CCDC60: variants seen among roughly 807,000 people sequenced by gnomAD.
The protein encoded by CCDC60 is coiled-coil domain-containing protein 60.
Under a neutral mutation model 63.5 loss-of-function variants are expected in CCDC60, and 54 were observed. The ratio of observed to expected loss-of-function variants is 0.85; its 90% CI spans 0.68 to 1.07. CCDC60 has a LOEUF of 1.07. CCDC60 is among the 50% of genes least tolerant of loss of function. The probability of loss-of-function intolerance (pLI) is 0.00; values close to 1 mark genes in which losing one functional copy is unlikely to be tolerated. For synonymous variants in CCDC60, 206 were observed against 238.8 expected, an observed-to-expected ratio of 0.86 and a Z score of 1.27; for missense variants, 651 against 684.3, an observed-to-expected ratio of 0.95 and a Z score of 0.54.
intron 1 of CCDC60, among the ~76,000 whole-genome samples, chr12:119,378,702 T>C (rs1031269520): frequency 6.6e-6 from 1 of 152,176 alleles, no homozygotes; most frequent in Non-Finnish European, 1.5e-5. Flanking sequence ...TTGCTGTCCC[T>C]CCAACAGTTG....
chr12:119,338,656 G>A (rs1452380260), intron 1 of CCDC60, among the ~76,000 whole-genome samples: 7 of 152,190 alleles, frequency 4.6e-5, no homozygotes, highest in Non-Finnish European at 1.0e-4. Context: ...AAAATAAGGT[G>A]TAAGACACAA....
At chr12:119,436,112 C>T (rs1950318670) in intron 2 of CCDC60, among the ~76,000 whole-genome samples, 1 of 152,108 alleles carries the variant, frequency 6.6e-6, no homozygotes, top group African/African-American at 2.4e-5. Context: ...CAAATCCAGA[C>T]CAAGTTAAAG....
rs762744877 is a variant in CCDC60, at chr12:119,410,215, G to C, written c.91-18468G>C. 6.6e-6 allele frequency among the ~76,000 whole-genome samples: 1 copy of C among 151,832 alleles called. No individual in the cohort carries two copies. Among genetic ancestry groups the C allele is most frequent in the African/African-American group, 2.4e-5 (1 of 41,326 alleles). On this transcript the variant is annotated intron_variant, in intron 1 of 13. Transcript: ENST00000327554. The surrounding 1 kb of genome is among the most constrained non-coding windows in gnomAD (Gnocchi z 4.0). ...TGTGTGTGTGTCTGTGTGTGTGTGT[G>C]TGTGTGGTTTCCAAATCTCTCTGGA...
chr12:119,377,280 GAAAA>G (rs1435338002), intron 1 of CCDC60, among the ~76,000 whole-genome samples: 1 of 116,218 alleles, frequency 8.6e-6, no homozygotes, highest in South Asian at 2.9e-4. Flanking sequence ...AAAAAAAAAA[GAAAA>G]AGAAAGAAAG....
intron 1 of CCDC60, among the ~76,000 whole-genome samples, chr12:119,373,676 G>A (rs1005512718): frequency 8.1e-6 from 1 of 124,118 alleles, no homozygotes; most frequent in Non-Finnish European, 1.7e-5. Flanking sequence ...GTGGGGGGGG[G>A]TCTCAGTTCC....
intron 1 of CCDC60, among the ~76,000 whole-genome samples, chr12:119,358,646 C>T (rs899495915): frequency 3.9e-5 from 6 of 152,178 alleles, no homozygotes; most frequent in African/African-American, 1.4e-4. Flanking sequence ...CTATCACCAT[C>T]AATTATTTTT....
chr12:119,414,419 A>G (rs1020752040), intron 1 of CCDC60, among the ~76,000 whole-genome samples: 6 of 152,346 alleles, frequency 3.9e-5, no homozygotes, highest in African/African-American at 1.4e-4. Flanking sequence ...AAAAACAGGA[A>G]GGATTTAAGA....
At chr12:119,417,928 G>T (rs572811238) in intron 1 of CCDC60, among the ~76,000 whole-genome samples, 1 of 152,046 alleles carries the variant, frequency 6.6e-6, no homozygotes, top group Non-Finnish European at 1.5e-5. Flanking sequence ...TGACATTTAC[G>T]GAAGACCCAA....
At chr12:119,357,532 G>A (rs778055641) in intron 1 of CCDC60, among the ~76,000 whole-genome samples, 5 of 151,274 alleles carry the variant, frequency 3.3e-5, no homozygotes, top group African/African-American at 9.7e-5. Context: ...TTGGCTCACC[G>A]CAACCTCCGC....
intron 11 of CCDC60, among the ~76,000 whole-genome samples, chr12:119,524,721 CTTTT>C (rs55694840): frequency 4.0e-5 from 4 of 99,028 alleles, no homozygotes; most frequent in Non-Finnish European, 5.6e-5. Flanking sequence ...CTTTTCTTTT[CTTTT>C]TTTTTTTTTT....
intron 1 of CCDC60, among the ~76,000 whole-genome samples, chr12:119,354,939 A>C (rs1955700933): frequency 6.6e-6 from 1 of 152,190 alleles, no homozygotes; most frequent in African/African-American, 2.4e-5. Context: ...GAGCCACAGA[A>C]TCATAGAGTA....
At chr12:119,475,864 AG>A (rs1035266607) in intron 3 of CCDC60, among the ~76,000 whole-genome samples, 6 of 152,240 alleles carry the variant, frequency 3.9e-5, no homozygotes, top group African/African-American at 9.6e-5. Flanking sequence ...AGTGAGTTTG[AG>A]CTCTCTGAGC....
chr12:119,507,597 TA>T lies in CCDC60; in HGVS notation c.883+2295del, dbSNP rs1285868579. Among the ~76,000 whole-genome samples, 118 of 20,390 alleles carry T rather than the reference TA, an allele frequency of 5.8e-3. 6 individuals are homozygous for T. Among genetic ancestry groups the T allele is most frequent in the East Asian group, 0.053 (18 of 338 alleles). The allele number at this position is 20,390 out of a possible 152,430, so 13.4% of individuals were successfully genotyped here. A position where few individuals can be genotyped will look rare whatever the true frequency, so the allele number is the denominator to read the frequency against. On this transcript the variant is annotated intron_variant, in intron 7 of 13. Coordinates refer to ENST00000327554, the MANE Select transcript of CCDC60 (RefSeq NM_178499.5). The stretch of plus-strand genomic sequence containing the variant: ...ATATATACACATATATATACATATA[TA>T]TATATATATATATATATTTTTTTTT...
intron 1 of CCDC60, among the ~76,000 whole-genome samples, chr12:119,400,152 C>T (rs573980487): frequency 3.3e-5 from 5 of 151,842 alleles, no homozygotes; most frequent in African/African-American, 1.2e-4. Flanking sequence ...GGGGTTCACA[C>T]CATTCTCCTG....
intron 1 of CCDC60, among the ~76,000 whole-genome samples, chr12:119,392,986 C>T (rs1036707511): frequency 1.3e-5 from 2 of 152,096 alleles, no homozygotes; most frequent in Non-Finnish European, 2.9e-5. Flanking sequence ...AAGAATCCAT[C>T]ACTACAAAAA....
rs1328938883 is a variant in CCDC60, at chr12:119,378,251, C to A, written c.90+42985C>A. ...ACAAAGAAAAGGGAAGATGGAGCCACCATGTTGAACATGCCTGGCCCTCAG... is the reference window on the plus strand; with the variant it reads ...ACAAAGAAAAGGGAAGATGGAGCCAACATGTTGAACATGCCTGGCCCTCAG... On this transcript the variant is annotated intron_variant, in intron 1 of 13. Transcript: ENST00000327554. Among the ~76,000 whole-genome samples the A allele has an allele frequency of 2.6e-5, 4 of 152,220 alleles. No individual in the cohort carries two copies. The East Asian group carries it at 7.7e-4, about 29-fold the overall frequency.
intron 5 of CCDC60, among the ~76,000 whole-genome samples, chr12:119,499,363 A>C (rs1437151833): frequency 1.3e-5 from 2 of 152,140 alleles, no homozygotes; most frequent in African/African-American, 4.8e-5. Context: ...ATTACAATAC[A>C]AAATTAGGTA....
chr12:119,505,165 T>C lies in CCDC60; in HGVS notation c.745T>C (p.Ser249Pro). 1 of 1,613,970 alleles carries C rather than the reference T, an allele frequency of 6.2e-7. No individual in the cohort carries two copies. The highest frequency in any genetic ancestry group is 1.1e-5 in the South Asian group (1 of 91,056). Residue 249 changes from serine to proline, a missense_variant, in exon 7 of 14, where the codon TCT becomes CCT. Ser to Pro is a moderately conservative substitution (Grantham distance 74). Coordinates refer to ENST00000327554, the MANE Select transcript of CCDC60 (RefSeq NM_178499.5). ...TCTGAGTCGGGCCAGTGGGGGGTCCTCTCCCCAGAGCAGCATGATCTCTGT... is the reference window on the plus strand; with the variant it reads ...TCTGAGTCGGGCCAGTGGGGGGTCCCCTCCCCAGAGCAGCATGATCTCTGT... ...LSLSRASGGS[S>P]PQSSMISVNP...
chr12:119,389,429 G>A (rs550467439), intron 1 of CCDC60, among the ~76,000 whole-genome samples: 56 of 152,232 alleles, frequency 3.7e-4, no homozygotes, highest in Admixed American at 3.7e-3. Context: ...TTTATGGTGT[G>A]GCCCTTTCTA....
Sources: gnomAD v4.1 joint callset for allele counts (sites outside exome capture counted in the v4.1 genomes callset) on GRCh38, gnomAD v4.1.1 for gene constraint, Gnocchi (gnomAD v3.1) non-coding constraint, MANE v1.5 for transcripts, NCBI Gene and HGNC (gene_info 2026-07-23, HGNC 2026-07-21) for gene names.